CRISPLD2: variants seen among roughly 807,000 people sequenced by gnomAD.
CRISPLD2 encodes cysteine-rich secretory protein LCCL domain-containing 2.
Under a neutral mutation model 71.1 loss-of-function variants are expected in CRISPLD2, and 47 were observed. The ratio of observed to expected loss-of-function variants is 0.66; its 90% confidence interval spans 0.52 to 0.84. The LOEUF is 0.84. CRISPLD2 is among the 40% of genes least tolerant of loss of function. CRISPLD2 has a pLI of 0.00. For missense variants in CRISPLD2, 830 were observed against 651.1 expected (o/e 1.27, Z -2.99); for synonymous variants, 317 against 250.1 (o/e 1.27, Z -2.52).
intron 6 of CRISPLD2, among the ~76,000 whole-genome samples, chr16:84,866,532 G>A (rs368867369): frequency 2.6e-5 from 4 of 152,144 alleles, no homozygotes; most frequent in African/African-American, 7.2e-5. Context: ...CACCGCACCC[G>A]GCCTGAGGCA....
In CRISPLD2 at chr16:84,850,700, C is replaced by T. The variant is rs757413602; in HGVS notation, c.608+17C>T. 3 of 1,592,438 alleles carry T rather than the reference C, an allele frequency of 1.9e-6. No individual in the cohort carries two copies. The highest frequency in any genetic ancestry group is 2.7e-5 in the African/African-American group (2 of 74,458). ...TTCTCCAAAGTAAGACAAGTTGATGCCGTTGTATGGGGTGGGGGTTGGGAT... is the reference window on the plus strand; with the variant it reads ...TTCTCCAAAGTAAGACAAGTTGATGTCGTTGTATGGGGTGGGGGTTGGGAT... On this transcript the variant is annotated intron_variant, in intron 5 of 14. Coordinates refer to ENST00000262424, the MANE Select transcript of CRISPLD2 (RefSeq NM_031476.4).
At position 84,838,419 on chromosome 16, in the gene CRISPLD2, C is replaced by T; in HGVS notation, c.-74-3C>T. ...TCTCCCACCACCCTCTGCTTCCTTT[C>T]AGAGCTCAAGCGCCCAGCTCTGCCC... is the stretch of plus-strand genomic sequence containing the variant. On this transcript the variant is annotated splice_region_variant and splice_polypyrimidine_tract_variant and intron_variant, in intron 1 of 14. Coordinates refer to ENST00000262424, the MANE Select transcript of CRISPLD2 (RefSeq NM_031476.4). 5.8e-6 allele frequency: 9 copies of T among 1,544,676 alleles called. No homozygotes were observed. Among genetic ancestry groups the T allele is most frequent in the Non-Finnish European group, 7.9e-6 (9 of 1,143,596 alleles).
At chr16:84,875,628 C>T (rs965116607) in intron 11 of CRISPLD2, among the ~76,000 whole-genome samples, 1 of 151,668 alleles carries the variant, frequency 6.6e-6, no homozygotes, top group Non-Finnish European at 1.5e-5. Context: ...GCAATTTCAG[C>T]TCACTGCAAC....
At chr16:84,889,992 A>G (rs1346257667) in intron 14 of CRISPLD2, among the ~76,000 whole-genome samples, 2 of 152,120 alleles carry the variant, frequency 1.3e-5, no homozygotes, top group African/African-American at 4.8e-5. Context: ...TCTGTGAAAT[A>G]GGGATAATCA....
intron 6 of CRISPLD2, among the ~76,000 whole-genome samples, chr16:84,860,902 C>T (rs541011679): frequency 6.6e-6 from 1 of 152,304 alleles, no homozygotes; most frequent in Admixed American, 6.5e-5. Flanking sequence ...ATTTGAGGCT[C>T]AGTATCTGCT....
At chr16:84,862,243 C>T (rs530412431) in intron 6 of CRISPLD2, among the ~76,000 whole-genome samples, 143 of 152,174 alleles carry the variant, frequency 9.4e-4, no homozygotes, top group African/African-American at 3.3e-3. Flanking sequence ...CCCTTTGTTG[C>T]CCAGGCTGGA....
At chr16:84,875,184 T>C (rs981540068) in intron 11 of CRISPLD2, among the ~76,000 whole-genome samples, 1 of 152,032 alleles carries the variant, frequency 6.6e-6, no homozygotes, top group African/African-American at 2.4e-5. Context: ...GAGGCTGCAA[T>C]GAGTCATGTT....
chr16:84,878,305 C>T (rs2071538870), intron 12 of CRISPLD2, among the ~76,000 whole-genome samples: 1 of 139,718 alleles, frequency 7.2e-6, no homozygotes. Context: ...TAGACATTGT[C>T]AGCACCGAAT....
At chr16:84,882,480 G>A (rs756139610) in intron 13 of CRISPLD2, among the ~76,000 whole-genome samples, 14 of 151,692 alleles carry the variant, frequency 9.2e-5, no homozygotes, top group Non-Finnish European at 1.8e-4. Flanking sequence ...GCACGATCTC[G>A]GCTCACTGCA....
chr16:84,882,399 A>G (rs1365058746), intron 13 of CRISPLD2, among the ~76,000 whole-genome samples: 1 of 150,776 alleles, frequency 6.6e-6, no homozygotes, highest in African/African-American at 2.4e-5. Flanking sequence ...ATTTGCAACA[A>G]TAGAAGGCTA....
intron 13 of CRISPLD2, among the ~76,000 whole-genome samples, chr16:84,881,833 C>T (rs943092428): frequency 8.6e-5 from 13 of 151,940 alleles, no homozygotes; most frequent in African/African-American, 2.4e-4. Context: ...AGCTCTCTCC[C>T]GCTTCCCCGC....
intron 6 of CRISPLD2, among the ~76,000 whole-genome samples, chr16:84,856,388 G>A (rs1917242018): frequency 6.6e-6 from 1 of 152,180 alleles, no homozygotes; most frequent in African/African-American, 2.4e-5. Context: ...GTTGACTTAA[G>A]GGGAGGAGGA....
intron 7 of CRISPLD2, among the ~76,000 whole-genome samples, chr16:84,867,635 C>T (rs537628600): frequency 3.9e-5 from 6 of 152,284 alleles, no homozygotes; most frequent in South Asian, 4.1e-4. Flanking sequence ...GGCATGATCT[C>T]GGCTCACTGC....
intron 6 of CRISPLD2, among the ~76,000 whole-genome samples, chr16:84,858,246 G>T (rs528082973): frequency 1.3e-5 from 2 of 152,238 alleles, no homozygotes; most frequent in African/African-American, 4.8e-5. Flanking sequence ...CAGCAACCTG[G>T]ACCTGTTGCA....
In CRISPLD2 at chr16:84,838,480, C is replaced by T. The variant is rs200402899; in HGVS notation, c.-16C>T. 8.7e-4 allele frequency: 1,399 copies of T among 1,610,378 alleles called. 2 individuals are homozygous for T. The highest frequency in any genetic ancestry group is 1.1e-3 in the Non-Finnish European group (1,303 of 1,177,360). On this transcript the variant is annotated 5_prime_UTR_variant, in exon 2 of 15. Transcript: ENST00000262424. ...GGCTGCCCCGTGAGTCCCATAGTTG[C>T]TGCAGGAGTGGAGCCATGAGCTGCG...
chr16:84,891,300 T>C (rs2071660246), intron 14 of CRISPLD2, among the ~76,000 whole-genome samples: 1 of 152,196 alleles, frequency 6.6e-6, no homozygotes, highest in Admixed American at 6.5e-5. Flanking sequence ...CGGCCCCTGC[T>C]TCCACTGCCA....
chr16:84,846,982 T>A (rs1242011648), intron 3 of CRISPLD2, among the ~76,000 whole-genome samples: 1 of 152,250 alleles, frequency 6.6e-6, no homozygotes, highest in South Asian at 2.1e-4. Flanking sequence ...AAAATGTCTT[T>A]TGACCACGCC....
In CRISPLD2 at chr16:84,849,524, C is replaced by T. The variant is rs752270042; in HGVS notation, c.492+7C>T. On this transcript the variant is annotated splice_region_variant and intron_variant, in intron 4 of 14. Transcript: ENST00000262424. ...GTGCACGCACTACACACAGGTAACT[C>T]GGGGACTTGCCACGACCTCAGCCCT... 6.2e-6 allele frequency: 10 copies of T among 1,613,078 alleles called. No homozygotes were observed. The African/African-American group carries it at 8.0e-5, about 13-fold the overall frequency.
At chr16:84,900,703 C>G (rs751496830) in intron 14 of CRISPLD2, among the ~76,000 whole-genome samples, 1 of 152,002 alleles carries the variant, frequency 6.6e-6, no homozygotes, top group Admixed American at 6.6e-5. Context: ...TCTCAGGCAC[C>G]CTCACACAAA....
Sources: allele counts gnomAD v4.1 joint callset (sites outside exome capture counted in the v4.1 genomes callset), GRCh38; gene constraint gnomAD v4.1.1; transcripts MANE v1.5; gene names NCBI Gene and HGNC (gene_info 2026-07-23, HGNC 2026-07-21).